CACHD1: variants seen among roughly 807,000 people sequenced by gnomAD.
The protein encoded by CACHD1 is VWFA and cache domain-containing protein 1.
Under a neutral mutation model 138.7 loss-of-function variants are expected in CACHD1, and 71 were observed. That is an observed-to-expected ratio of 0.51 (90% CI 0.42 to 0.62). CACHD1 has a LOEUF of 0.62. CACHD1 is among the 20% of genes least tolerant of loss of function. CACHD1 has a pLI of 0.00. For synonymous variants in CACHD1, 578 were observed against 591.5 expected, an observed-to-expected ratio of 0.98 and a Z score of 0.33; for missense variants, 1,389 against 1,625.3, an observed-to-expected ratio of 0.85 and a Z score of 2.50.
At position 64,569,901 on chromosome 1, in the gene CACHD1, CAAGT is replaced by C. The variant is rs1646913541; in HGVS notation, c.262-12251_262-12248del. On this transcript the variant is annotated intron_variant, in intron 2 of 26. Transcript: ENST00000651257. ...ATGAACATTCCACTAAAAATGGAAA[CAAGT>C]AAGCCCATTTTACATGCATTTCCAA... Among the ~76,000 whole-genome samples, 8 of 152,206 alleles carry C rather than the reference CAAGT, an allele frequency of 5.3e-5. 1 individual carries two copies. In the South Asian group the frequency reaches 1.7e-3, roughly 32 times the overall value.
intron 16 of CACHD1, among the ~76,000 whole-genome samples, chr1:64,669,681 G>A (rs146456418): frequency 1.4e-5 from 2 of 142,670 alleles, no homozygotes; most frequent in African/African-American, 5.6e-5. Flanking sequence ...AGAAATATAG[G>A]TTTGGTGTGA....
chr1:64,505,856 C>G (rs1646370783), intron 1 of CACHD1: 1 of 135,704 alleles, frequency 7.4e-6, no homozygotes, highest in Non-Finnish European at 1.6e-5. Context: ...CTCGCCCCGC[C>G]CCGCCCCGCC....
intron 1 of CACHD1, among the ~76,000 whole-genome samples, chr1:64,503,870 C>T (rs904725072): frequency 5.3e-5 from 8 of 152,232 alleles, no homozygotes; most frequent in South Asian, 4.2e-4. Flanking sequence ...TGACCTGTGA[C>T]GCTGTTTCCC....
intron 2 of CACHD1, among the ~76,000 whole-genome samples, chr1:64,551,260 C>T (rs1247975132): frequency 6.6e-6 from 1 of 150,482 alleles, no homozygotes; most frequent in Non-Finnish European, 1.5e-5. Context: ...CATCTTCTTT[C>T]AGTTCTCTGT....
chr1:64,532,051 A>G (rs1646591445), intron 1 of CACHD1, among the ~76,000 whole-genome samples: 2 of 152,192 alleles, frequency 1.3e-5, no homozygotes, highest in African/African-American at 2.4e-5. Context: ...TGCCTTTTGT[A>G]AAGTGTTAGA....
At chr1:64,486,399 TACACACACACACATACACAC>T (rs1646243386) in intron 1 of CACHD1, among the ~76,000 whole-genome samples, 1 of 143,948 alleles carries the variant, frequency 6.9e-6, no homozygotes, top group Non-Finnish European at 1.6e-5. Context: ...CACATACACA[TACACACACACACATACACAC>T]ACACACGTAT....
intron 2 of CACHD1, among the ~76,000 whole-genome samples, chr1:64,571,929 T>C (rs1214671578): frequency 6.6e-6 from 1 of 152,224 alleles, no homozygotes; most frequent in Non-Finnish European, 1.5e-5. Context: ...CCATCCCCAT[T>C]GTCTAGCGGC....
chr1:64,641,710 G>T (rs905239915), intron 7 of CACHD1, 110 bp from the exon 8 acceptor site: 4 of 734,176 alleles, frequency 5.4e-6, no homozygotes, highest in Non-Finnish European at 8.7e-6. Flanking sequence ...AGGAACCGTG[G>T]GCTAGGCAAG....
chr1:64,503,228 G>A (rs548331561), intron 1 of CACHD1, among the ~76,000 whole-genome samples: 2 of 152,176 alleles, frequency 1.3e-5, no homozygotes, highest in East Asian at 3.9e-4. Context: ...AAATAAAGGA[G>A]AAAAAACTGG....
At chr1:64,623,062 A>G (rs563048759) in intron 4 of CACHD1, among the ~76,000 whole-genome samples, 3 of 152,294 alleles carry the variant, frequency 2.0e-5, no homozygotes, top group Non-Finnish European at 4.4e-5. Context: ...ATTTAAAATT[A>G]TCATTGCTTC....
At chr1:64,679,868 G>A in intron 24 of CACHD1, 112 bp downstream of exon 24, 2 of 1,241,460 alleles carry the variant, frequency 1.6e-6, no homozygotes, top group Non-Finnish European at 2.2e-6. Context: ...TTCAGCTTCT[G>A]TGGAGTCATT....
chr1:64,584,780 A>G (rs1647038476), intron 3 of CACHD1, among the ~76,000 whole-genome samples: 1 of 152,182 alleles, frequency 6.6e-6, no homozygotes, highest in Non-Finnish European at 1.5e-5. Flanking sequence ...GAATTGATTT[A>G]AATTGATATA....
chr1:64,664,348 T>G, intron 14 of CACHD1, 150 bp from the exon 15 acceptor site: 1 of 662,494 alleles, frequency 1.5e-6, no homozygotes, highest in South Asian at 2.0e-5. Context: ...TTTCACCAAG[T>G]TTGGTTGCAT....
At chr1:64,580,486 C>T (rs1557503813) in intron 2 of CACHD1, among the ~76,000 whole-genome samples, 2 of 152,006 alleles carry the variant, frequency 1.3e-5, no homozygotes, top group Non-Finnish European at 2.9e-5. Flanking sequence ...CAGAATCATA[C>T]CCAAGAATAG....
chr1:64,584,768 C>T (rs1482844524), intron 3 of CACHD1, among the ~76,000 whole-genome samples: 2 of 152,138 alleles, frequency 1.3e-5, no homozygotes, highest in Non-Finnish European at 2.9e-5. Flanking sequence ...TTGTTGGAAT[C>T]TGAATTGATT....
intron 2 of CACHD1, among the ~76,000 whole-genome samples, chr1:64,562,475 T>A (rs1646848632): frequency 6.7e-6 from 1 of 149,396 alleles, no homozygotes; most frequent in Non-Finnish European, 1.5e-5. Flanking sequence ...AGTGGCATGA[T>A]CTCAGCTCAC....
chr1:64,666,193 C>A (rs780382530), intron 16 of CACHD1, 26 bp downstream of exon 16: 1 of 1,399,720 alleles, frequency 7.1e-7, no homozygotes. Flanking sequence ...ACTTTATAGT[C>A]ATTTCTTAAA....
chr1:64,550,501 A>G, intron 1 of CACHD1, 93 bp from the exon 2 acceptor site: 1 of 877,952 alleles, frequency 1.1e-6, no homozygotes. Context: ...TTTCTACTAG[A>G]TTCTATTTGT....
intron 1 of CACHD1, among the ~76,000 whole-genome samples, chr1:64,471,650 T>G (rs1190924309): frequency 6.6e-6 from 1 of 152,246 alleles, no homozygotes; most frequent in Non-Finnish European, 1.5e-5. Flanking sequence ...CCGCATATCC[T>G]GCTGTAGTTT....
Sources: allele counts gnomAD v4.1 joint callset (sites outside exome capture counted in the v4.1 genomes callset), GRCh38; gene constraint gnomAD v4.1.1; transcripts MANE v1.5; gene names NCBI Gene and HGNC (gene_info 2026-07-23, HGNC 2026-07-21).